DPYD: variants seen among roughly 807,000 people sequenced by gnomAD.
The protein encoded by DPYD is dihydropyrimidine dehydrogenase [NADP(+)].
Under a neutral mutation model 116.2 loss-of-function variants are expected in DPYD, and 109 were observed. The observed-to-expected ratio is 0.94, with a 90% CI of 0.80 to 1.10. DPYD has a LOEUF of 1.10. Among genes scored for constraint, DPYD ranks in the 50% least tolerant of loss-of-function variants. The probability of loss-of-function intolerance (pLI) is 0.00; values close to 1 mark genes in which losing one functional copy is unlikely to be tolerated. For synonymous variants in DPYD, 440 were observed against 432.0 expected (o/e 1.02, Z -0.23); for missense variants, 1,302 against 1,254.5 (o/e 1.04, Z -0.57).
intron 12 of DPYD, among the ~76,000 whole-genome samples, chr1:97,539,967 T>C (rs1449000988): frequency 6.6e-6 from 1 of 151,862 alleles, no homozygotes; most frequent in Non-Finnish European, 1.5e-5. Flanking sequence ...TTCTGAATGC[T>C]GTGTGAGTGG....
intron 3 of DPYD, among the ~76,000 whole-genome samples, chr1:97,785,928 CAT>C (rs1212053229): frequency 1.3e-5 from 2 of 151,262 alleles, no homozygotes; most frequent in Non-Finnish European, 3.0e-5. Flanking sequence ...CTCCTGACCT[CAT>C]GATCCGCCTG....
In DPYD at chr1:97,193,117, A is replaced by G; in HGVS notation, c.2574T>C (p.Ser858=). The G allele has an allele frequency of 6.2e-7, 1 of 1,613,996 alleles. No homozygotes were observed. ...GTGGAACTGGTTTCCCTTTCTGGTGACTCACAGTAGCTGGACTCTGTCCAT... is the reference window on the plus strand; with the variant it reads ...GTGGAACTGGTTTCCCTTTCTGGTGGCTCACAGTAGCTGGACTCTGTCCAT... ...DWDGQSPATV[S]HQKGKPVPRI... is the part of the protein sequence containing the mutation. The change falls in exon 20 of 23, where the codon AGT becomes AGC. Residue 858 remains serine, a synonymous_variant. Transcript: ENST00000370192.
In DPYD at chr1:97,318,475, G is replaced by A. The variant is rs184864855; in HGVS notation, c.2059-12178C>T. On this transcript the variant is annotated intron_variant, in intron 16 of 22. Coordinates refer to ENST00000370192, the MANE Select transcript of DPYD (RefSeq NM_000110.4). ...ATTGTAAACCAACAAAGATCAAAAG[G>A]GACAAAGAAGGCCATTACATAATGG... 7.9e-3 allele frequency among the ~76,000 whole-genome samples: 1,195 copies of A among 151,612 alleles called. 7 individuals carry two copies. Among genetic ancestry groups the A allele is most frequent in the Non-Finnish European group, 0.012 (785 of 67,846 alleles).
chr1:97,626,953 C>A (rs555598828), intron 8 of DPYD, among the ~76,000 whole-genome samples: 2 of 151,952 alleles, frequency 1.3e-5, no homozygotes, highest in Non-Finnish European at 2.9e-5. Flanking sequence ...CCATAGACTG[C>A]GTGACTTATA....
intron 5 of DPYD, among the ~76,000 whole-genome samples, chr1:97,708,106 G>A (rs1002818953): frequency 6.6e-6 from 1 of 151,904 alleles, no homozygotes; most frequent in African/African-American, 2.4e-5. Flanking sequence ...GAGTAGCCAG[G>A]ACTACAGGTA....
At chr1:97,446,545 A>G (rs934403107) in intron 14 of DPYD, among the ~76,000 whole-genome samples, 1 of 152,180 alleles carries the variant, frequency 6.6e-6, no homozygotes, top group Admixed American at 6.5e-5. Context: ...TAATAGATGT[A>G]TATTTACATA....
chr1:97,608,153 G>C (rs1655720252), intron 8 of DPYD, among the ~76,000 whole-genome samples: 1 of 151,764 alleles, frequency 6.6e-6, no homozygotes, highest in African/African-American at 2.4e-5. Context: ...GAAATCCCAG[G>C]AATCAGTACA....
chr1:97,289,922 T>C (rs1666015468), intron 18 of DPYD, among the ~76,000 whole-genome samples: 1 of 151,976 alleles, frequency 6.6e-6, no homozygotes, highest in Admixed American at 6.6e-5. Flanking sequence ...ATGACATGAC[T>C]GTATATCTAG....
At chr1:97,258,044 C>A (rs1179773990) in intron 18 of DPYD, among the ~76,000 whole-genome samples, 1 of 151,958 alleles carries the variant, frequency 6.6e-6, no homozygotes, top group African/African-American at 2.4e-5. Context: ...TCACAGATAA[C>A]GGCATGAGCA....
chr1:97,382,417 C>G lies in DPYD; in HGVS notation c.1950G>C (p.Trp650Cys), dbSNP rs753527420. The G allele has an allele frequency of 6.3e-7, 1 of 1,598,702 alleles. No individual in the cohort carries two copies. The highest frequency in any genetic ancestry group is 1.1e-5 in the South Asian group (1 of 87,274). ...CCTCAGACTTCTTGGCAAGTTCCGT[C>G]CAGTCATTTTTATTGTAACTGCACA... is the stretch of plus-strand genomic sequence containing the variant. ...SIMCSYNKND[W>C]TELAKKSEDS... The change falls in exon 15 of 23, where the codon TGG becomes TGC. Residue 650 changes from tryptophan to cysteine, a missense_variant. Physicochemically the swap from Trp to Cys is radical, Grantham distance 215. Transcript: ENST00000370192.
At chr1:97,316,014 A>G (rs577604255) in intron 16 of DPYD, among the ~76,000 whole-genome samples, 76 of 152,112 alleles carry the variant, frequency 5.0e-4, no homozygotes, top group African/African-American at 1.7e-3. Context: ...CAAACTCACT[A>G]TTGTGATGTG....
chr1:97,728,858 C>A (rs1175205873), intron 4 of DPYD, among the ~76,000 whole-genome samples: 4 of 151,968 alleles, frequency 2.6e-5, no homozygotes, highest in Non-Finnish European at 5.9e-5. Flanking sequence ...AATGAACAAC[C>A]TGTGGGTCCT....
chr1:97,210,036 A>C (rs1252650198), intron 19 of DPYD, among the ~76,000 whole-genome samples: 1 of 152,152 alleles, frequency 6.6e-6, no homozygotes, highest in Non-Finnish European at 1.5e-5. Context: ...ATAGGGGAAG[A>C]GAAATGTTTA....
intron 10 of DPYD, among the ~76,000 whole-genome samples, chr1:97,592,101 A>C (rs1314119107): frequency 1.3e-5 from 2 of 152,224 alleles, no homozygotes; most frequent in Non-Finnish European, 2.9e-5. Flanking sequence ...GACTACAGCT[A>C]TAATTCTTGC....
intron 8 of DPYD, among the ~76,000 whole-genome samples, chr1:97,621,312 G>T (rs955477981): frequency 6.6e-6 from 1 of 152,078 alleles, no homozygotes; most frequent in East Asian, 1.9e-4. Flanking sequence ...GATTATGGGA[G>T]TCAGGTGTTT....
chr1:97,772,236 T>C (rs1336187015), intron 3 of DPYD, among the ~76,000 whole-genome samples: 1 of 152,184 alleles, frequency 6.6e-6, no homozygotes, highest in Non-Finnish European at 1.5e-5. Flanking sequence ...AACTACTTCT[T>C]GAGTGTCCTC....
intron 19 of DPYD, among the ~76,000 whole-genome samples, chr1:97,211,377 G>A (rs1043064423): frequency 2.0e-5 from 3 of 152,120 alleles, no homozygotes; most frequent in Non-Finnish European, 4.4e-5. Context: ...CTAAGTTAAT[G>A]TAAAGTACTT....
intron 18 of DPYD, among the ~76,000 whole-genome samples, chr1:97,293,246 G>C (rs895572734): frequency 6.6e-6 from 1 of 152,106 alleles, no homozygotes; most frequent in Admixed American, 6.5e-5. Flanking sequence ...AAGTACAAAA[G>C]TGACTATATA....
chr1:97,820,668 G>A (rs769681004), intron 3 of DPYD, among the ~76,000 whole-genome samples: 18 of 152,112 alleles, frequency 1.2e-4, no homozygotes, highest in Non-Finnish European at 1.8e-4. Flanking sequence ...TTCTTAACAC[G>A]TGATAAAGCC....
Sources: allele counts gnomAD v4.1 joint callset (sites outside exome capture counted in the v4.1 genomes callset), GRCh38; gene constraint gnomAD v4.1.1; transcripts MANE v1.5; gene names NCBI Gene and HGNC (gene_info 2026-07-23, HGNC 2026-07-21).